The following SNX29 variants were observed in gnomAD, a reference collection of about 807,000 sequenced individuals.
SNX29 encodes the protein sorting nexin-29.
Under a neutral mutation model 102.1 loss-of-function variants are expected in SNX29, and 78 were observed. That is an observed-to-expected ratio of 0.76 (90% CI 0.64 to 0.92). SNX29 has a LOEUF of 0.92. SNX29 is among the 40% of genes least tolerant of loss of function. SNX29 has a pLI of 0.00. For missense variants in SNX29, 1,280 were observed against 1,061.7 expected (o/e 1.21, Z -2.86); for synonymous variants, 580 against 414.5 (o/e 1.40, Z -4.85).
At chr16:12,076,902 G>A (rs1410493313) in intron 10 of SNX29, among the ~76,000 whole-genome samples, 7 of 152,184 alleles carry the variant, frequency 4.6e-5, no homozygotes, top group Non-Finnish European at 7.3e-5. Context: ...TAGGAAGCTT[G>A]TCGCAGTTAG....
chr16:12,044,729 C>T (rs2050020162), intron 5 of SNX29, among the ~76,000 whole-genome samples: 1 of 152,170 alleles, frequency 6.6e-6, no homozygotes. Flanking sequence ...CCAGCGCCTG[C>T]CACCATGCCT....
At chr16:12,550,868 C>T (rs1320313904) in intron 20 of SNX29, among the ~76,000 whole-genome samples, 1 of 152,172 alleles carries the variant, frequency 6.6e-6, no homozygotes, top group Non-Finnish European at 1.5e-5. Context: ...GATAGACTTT[C>T]TGGGAGGAAA....
chr16:12,006,236 C>G (rs1468950533), intron 3 of SNX29, among the ~76,000 whole-genome samples: 1 of 125,298 alleles, frequency 8.0e-6, no homozygotes, highest in East Asian at 2.0e-4. Flanking sequence ...ATAATAATAG[C>G]CAGGCATGGT....
chr16:12,110,352 A>C (rs535315933), intron 11 of SNX29, among the ~76,000 whole-genome samples: 55 of 152,124 alleles, frequency 3.6e-4, no homozygotes, highest in Non-Finnish European at 6.2e-4. Context: ...ACTTAGTCTG[A>C]TTAAAGACTA....
chr16:12,313,907 C>A (rs1408363127), intron 15 of SNX29, among the ~76,000 whole-genome samples: 2 of 152,250 alleles, frequency 1.3e-5, no homozygotes, highest in African/African-American at 2.4e-5. Context: ...CAAAAACAAC[C>A]ATCTGGCTGT....
chr16:12,559,610 C>T (rs571811095), intron 20 of SNX29, among the ~76,000 whole-genome samples: 48 of 152,186 alleles, frequency 3.2e-4, no homozygotes, highest in South Asian at 4.2e-4. Context: ...GGACTGCTGC[C>T]ACGTGACCTT....
chr16:12,036,067 G>GT (rs550002780), intron 4 of SNX29, among the ~76,000 whole-genome samples: 141 of 152,036 alleles, frequency 9.3e-4, no homozygotes, highest in African/African-American at 2.8e-3. Flanking sequence ...TTGTGTGTGG[G>GT]TTTTTTTCTT....
chr16:12,515,401 CTGAATGAGAGGA>C (rs1447080313), intron 19 of SNX29: 1 of 421,746 alleles, frequency 2.4e-6, no homozygotes, highest in Non-Finnish European at 4.8e-6. Flanking sequence ...GACTGGAGAG[CTGAATGAGAGGA>C]TGAATGATTG....
chr16:12,102,734 T>G (rs764944890), intron 11 of SNX29, among the ~76,000 whole-genome samples: 13 of 152,100 alleles, frequency 8.5e-5, no homozygotes, highest in African/African-American at 1.2e-4. Flanking sequence ...GAAAAAGAAA[T>G]AAAGGGTATT....
At chr16:12,541,217 T>C (rs2077320627) in intron 20 of SNX29, among the ~76,000 whole-genome samples, 1 of 152,238 alleles carries the variant, frequency 6.6e-6, no homozygotes, top group Admixed American at 6.5e-5. Flanking sequence ...TATTGGTGCA[T>C]GGAGAGAAGG....
chr16:11,980,119 AT>A (rs1266881685), intron 1 of SNX29, among the ~76,000 whole-genome samples: 1 of 152,112 alleles, frequency 6.6e-6, no homozygotes, highest in East Asian at 1.9e-4. Context: ...ATTTCACAAC[AT>A]TTTAATTACC....
At chr16:12,148,793 G>T (rs1005372208) in intron 13 of SNX29, among the ~76,000 whole-genome samples, 2 of 152,130 alleles carry the variant, frequency 1.3e-5, no homozygotes, top group Non-Finnish European at 2.9e-5. Context: ...CACCTCCCGG[G>T]TTCAAGTGAT....
At chr16:12,440,690 T>C (rs2085759927) in intron 18 of SNX29, among the ~76,000 whole-genome samples, 1 of 152,218 alleles carries the variant, frequency 6.6e-6, no homozygotes, top group Non-Finnish European at 1.5e-5. Flanking sequence ...GAACATGCAA[T>C]ACTTGATTTT....
chr16:12,300,557 A>C (rs763853076), intron 15 of SNX29, among the ~76,000 whole-genome samples: 1 of 152,124 alleles, frequency 6.6e-6, no homozygotes, highest in African/African-American at 2.4e-5. Flanking sequence ...TTTAATTCCT[A>C]TGTAACTGCT....
intron 14 of SNX29, among the ~76,000 whole-genome samples, chr16:12,259,432 T>G (rs576479154): frequency 2.5e-4 from 38 of 152,190 alleles, no homozygotes; most frequent in African/African-American, 8.4e-4. Context: ...GAGCAAGCCC[T>G]AGTTCTGCTG....
chr16:12,183,785 G>C (rs1007727278), intron 13 of SNX29, among the ~76,000 whole-genome samples: 5 of 152,218 alleles, frequency 3.3e-5, no homozygotes, highest in Admixed American at 3.3e-4. Context: ...CAAAGACCTT[G>C]CTGATAGAAC....
intron 20 of SNX29, among the ~76,000 whole-genome samples, chr16:12,543,400 G>A (rs755514455): frequency 2.2e-4 from 34 of 152,284 alleles, no homozygotes; most frequent in Non-Finnish European, 4.1e-4. Context: ...GAAGGAGGGG[G>A]CCCGATTCAC....
At chr16:12,168,681 G>C (rs970484826) in intron 13 of SNX29, among the ~76,000 whole-genome samples, 4 of 152,314 alleles carry the variant, frequency 2.6e-5, no homozygotes, top group African/African-American at 9.6e-5. Context: ...TCATCACACA[G>C]AGGCGCTTCA....
rs2079173098 is a variant in SNX29, at chr16:12,570,865, T to TC, written c.*2238dup. On this transcript the variant is annotated 3_prime_UTR_variant, in exon 21 of 21. Transcript: ENST00000566228. ...TATTGAACTGGTGGGAGAAACTGCC[T>TC]CCTACTTTTATAATACTGAATTATT... The TC allele has an allele frequency of 4.3e-6, 1 of 231,860 alleles. No homozygotes were observed. The highest frequency in any genetic ancestry group is 2.2e-5 in the African/African-American group (1 of 45,222). 14.4% of individuals were successfully genotyped at this position (231,860 alleles called of 1,614,324 possible).
Sources: allele counts gnomAD v4.1 joint callset (sites outside exome capture counted in the v4.1 genomes callset), GRCh38; gene constraint gnomAD v4.1.1; transcripts MANE v1.5; gene names NCBI Gene and HGNC (gene_info 2026-07-23, HGNC 2026-07-21).